MPPED2: variants seen among roughly 807,000 people sequenced by gnomAD.
MPPED2 encodes the protein metallophosphoesterase domain containing 2.
MPPED2 carries 5 observed loss-of-function variants against 33.0 expected under a neutral mutation model. The ratio of observed to expected loss-of-function variants is 0.15; its 90% confidence interval spans 0.08 to 0.32. The LOEUF (loss-of-function observed/expected upper bound fraction) is 0.32, where lower values mean the gene tolerates loss of function less well. Among genes scored for constraint, MPPED2 ranks in the 10% least tolerant of loss-of-function variants. The pLI, the probability that MPPED2 is intolerant of heterozygous loss-of-function variation, is 1.00. For synonymous variants in MPPED2, 136 were observed against 141.9 expected, an observed-to-expected ratio of 0.96 and a Z score of 0.29; for missense variants, 275 against 372.1, an observed-to-expected ratio of 0.74 and a Z score of 2.15.
At chr11:30,432,190 T>G (rs1055171819) in intron 4 of MPPED2, among the ~76,000 whole-genome samples, 2 of 151,828 alleles carry the variant, frequency 1.3e-5, no homozygotes, top group Non-Finnish European at 2.9e-5. Flanking sequence ...AAAAATCCAA[T>G]TTATCAATCT....
chr11:30,446,617 T>C (rs573756623), intron 4 of MPPED2, among the ~76,000 whole-genome samples: 49 of 152,276 alleles, frequency 3.2e-4, no homozygotes, highest in African/African-American at 1.1e-3. Context: ...ATTTTAAATA[T>C]CTACAGAGCC....
intron 6 of MPPED2, among the ~76,000 whole-genome samples, chr11:30,391,723 T>A (rs1209029594): frequency 1.3e-5 from 2 of 152,228 alleles, no homozygotes; most frequent in African/African-American, 4.8e-5. Context: ...GAAGCCAAAC[T>A]GAAAAGTGTT....
At chr11:30,409,157 C>T (rs1405331349), downstream of MPPED2, among the ~76,000 whole-genome samples, 1 of 152,160 alleles carries the variant, frequency 6.6e-6, no homozygotes, top group Non-Finnish European at 1.5e-5. Flanking sequence ...TGATTACCCA[C>T]CTATCTCTGG....
At chr11:30,529,531 G>GTA (rs1954396313) in intron 3 of MPPED2, among the ~76,000 whole-genome samples, 1 of 152,092 alleles carries the variant, frequency 6.6e-6, no homozygotes, top group South Asian at 2.1e-4. Context: ...ATTTGTGTGT[G>GTA]TGTGTGTGTG....
chr11:30,446,426 G>A (rs1949811199), intron 4 of MPPED2, among the ~76,000 whole-genome samples: 1 of 152,044 alleles, frequency 6.6e-6, no homozygotes, highest in Non-Finnish European at 1.5e-5. Context: ...GTTTCTAAAA[G>A]TGCCAGATGT....
chr11:30,411,513 G>T lies in MPPED2; in HGVS notation c.840C>A (p.Thr280=), dbSNP rs1345652471. The change falls in exon 7 of 7, where the codon ACC becomes ACA. Residue 280 remains threonine, a synonymous_variant. Coordinates refer to ENST00000358117, the MANE Select transcript of MPPED2 (RefSeq NM_001584.3). ...ASTCTVSFQP[T]NPPIIFDLPN... Reference sequence around the variant, plus strand: ...GAAGGTCAAATATAATTGGAGGGTTGGTCGGTTGAAAGCTGACTGTACACG... The same window carrying T: ...GAAGGTCAAATATAATTGGAGGGTTTGTCGGTTGAAAGCTGACTGTACACG... 1.4e-5 allele frequency: 22 copies of T among 1,613,866 alleles called. No homozygotes were observed. The Admixed American group carries it at 1.8e-4, about 13-fold the overall frequency.
At position 30,411,285 on chromosome 11, in the gene MPPED2, C is replaced by T; in HGVS notation, c.*183G>A. Reference sequence around the variant, plus strand: ...CAAATTCACAATGTTCCTCTGATTTCAAATGGATGCCCCATTTAAAATAAA... The same window carrying T: ...CAAATTCACAATGTTCCTCTGATTTTAAATGGATGCCCCATTTAAAATAAA... On this transcript the variant is annotated 3_prime_UTR_variant, in exon 7 of 7. Coordinates refer to ENST00000358117, the MANE Select transcript of MPPED2 (RefSeq NM_001584.3). 5 of 1,244,646 alleles carry T rather than the reference C, an allele frequency of 4.0e-6. No individual in the cohort carries two copies. Among genetic ancestry groups the T allele is most frequent in the Non-Finnish European group, 5.1e-6 (5 of 988,148 alleles). The allele number at this position is 1,244,646 out of a possible 1,614,324, so 77.1% of individuals were successfully genotyped here.
At chr11:30,421,730 A>G (rs1477345983) in intron 4 of MPPED2, among the ~76,000 whole-genome samples, 8 of 152,136 alleles carry the variant, frequency 5.3e-5, no homozygotes, top group Admixed American at 5.2e-4. Flanking sequence ...GCTGACCAAA[A>G]CCTACTAGCA....
intron 2 of MPPED2, among the ~76,000 whole-genome samples, chr11:30,539,845 C>T (rs1031323297): frequency 5.3e-5 from 8 of 152,102 alleles, no homozygotes; most frequent in Non-Finnish European, 1.2e-4. Flanking sequence ...CTGGGCTAGT[C>T]TTGAACTCCT....
At chr11:30,430,784 C>G (rs1949044996) in intron 4 of MPPED2, among the ~76,000 whole-genome samples, 1 of 152,180 alleles carries the variant, frequency 6.6e-6, no homozygotes, top group South Asian at 2.1e-4. Flanking sequence ...ATTCTGAAGA[C>G]TAGGTGGCAA....
chr11:30,528,949 A>T (rs58452213), intron 3 of MPPED2, among the ~76,000 whole-genome samples: 2,799 of 152,330 alleles, frequency 0.018, 82 homozygotes, highest in African/African-American at 0.064. Context: ...TACTTCTAGG[A>T]ATATATCCTA....
intron 3 of MPPED2, among the ~76,000 whole-genome samples, chr11:30,509,515 C>T (rs1953027392): frequency 2.0e-5 from 3 of 152,250 alleles, no homozygotes; most frequent in South Asian, 4.2e-4. Flanking sequence ...CCCTAGGCCT[C>T]TCAGGAAAAT....
intron 3 of MPPED2, among the ~76,000 whole-genome samples, chr11:30,523,282 G>T (rs1004314965): frequency 2.6e-5 from 4 of 152,102 alleles, no homozygotes; most frequent in Non-Finnish European, 5.9e-5. Context: ...CAAGATTCCT[G>T]GAAACAATAT....
intron 4 of MPPED2, among the ~76,000 whole-genome samples, chr11:30,425,249 G>A (rs1332707849): frequency 1.3e-5 from 2 of 152,082 alleles, no homozygotes; most frequent in East Asian, 3.9e-4. Flanking sequence ...CACCCGCTGT[G>A]TCCCTTTTTT....
chr11:30,495,518 T>C lies in MPPED2; in HGVS notation c.314A>G (p.Asn105Ser). Reference protein sequence around the residue: ...EVKKFNDWLGNLPYEYKIVIA... With the variant: ...EVKKFNDWLGSLPYEYKIVIA... ...CACTATTTTATATTCATATGGCAGG[T>C]TTCCTGAAATAAGAAAAAAGAGCAC... Residue 105 changes from asparagine to serine, a missense_variant, in exon 4 of 7, where the codon AAC (asparagine) becomes AGC (serine). By Grantham distance (46) the Asn-to-Ser change is conservative. Coordinates refer to ENST00000358117, the MANE Select transcript of MPPED2 (RefSeq NM_001584.3). 1 of 1,612,020 alleles carries C rather than the reference T, an allele frequency of 6.2e-7. No homozygotes were observed. Among genetic ancestry groups the C allele is most frequent in the Non-Finnish European group, 8.5e-7 (1 of 1,178,318 alleles).
intron 6 of MPPED2, among the ~76,000 whole-genome samples, chr11:30,403,537 G>C (rs1450351493): frequency 6.6e-6 from 1 of 152,180 alleles, no homozygotes; most frequent in African/African-American, 2.4e-5. Context: ...CAAGAACTAA[G>C]GAGGCAAATA....
At chr11:30,442,022 G>A (rs1949594725) in intron 4 of MPPED2, among the ~76,000 whole-genome samples, 1 of 152,164 alleles carries the variant, frequency 6.6e-6, no homozygotes, top group South Asian at 2.1e-4. Flanking sequence ...GTTGATCTCT[G>A]GCTCATAGTA....
chr11:30,412,540 T>C (rs1353797564), intron 6 of MPPED2, among the ~76,000 whole-genome samples: 1 of 152,110 alleles, frequency 6.6e-6, no homozygotes, highest in Non-Finnish European at 1.5e-5. Context: ...TTTTTCCACA[T>C]TGGCTAAAAT....
intron 2 of MPPED2, among the ~76,000 whole-genome samples, chr11:30,559,290 G>C (rs1375624705): frequency 6.6e-6 from 1 of 152,144 alleles, no homozygotes; most frequent in East Asian, 1.9e-4. Flanking sequence ...AAACCACAGA[G>C]CAATAGTAAC....
Sources: allele counts gnomAD v4.1 joint callset (sites outside exome capture counted in the v4.1 genomes callset), GRCh38; gene constraint gnomAD v4.1.1; transcripts MANE v1.5; gene names NCBI Gene and HGNC (gene_info 2026-07-23, HGNC 2026-07-21).